The following COL7A1 variants were observed in gnomAD, a reference collection of about 807,000 sequenced individuals.
COL7A1 encodes collagen type VII alpha 1 chain, also known as collagen alpha-1(VII) chain.
Under a neutral mutation model 456.2 loss-of-function variants are expected in COL7A1, and 296 were observed. That is an observed-to-expected ratio of 0.65 (90% CI 0.59 to 0.71). The LOEUF is 0.71. COL7A1 is among the 30% of genes least tolerant of loss of function. The probability of loss-of-function intolerance (pLI) is 0.00; values close to 1 mark genes in which losing one functional copy is unlikely to be tolerated. For synonymous variants in COL7A1, 1,464 were observed against 1,525.9 expected, an observed-to-expected ratio of 0.96 and a Z score of 0.95; for missense variants, 3,441 against 4,017.2, an observed-to-expected ratio of 0.86 and a Z score of 3.88.
chr3:48,566,992 G>A lies in COL7A1; in HGVS notation c.8141C>T (p.Pro2714Leu), dbSNP rs1334835316. Reference sequence around the variant, plus strand: ...ACCAGCAGAGCCATCATTTCCACTGGGGCCTGGGAAGCCCCCAATTCCTGG... The same window carrying A: ...ACCAGCAGAGCCATCATTTCCACTGAGGCCTGGGAAGCCCCCAATTCCTGG... ...GTPGIGGFPG[P>L]SGNDGSAGPP... is the part of the protein sequence containing the mutation. The change falls in exon 111 of 119, where the codon CCC (proline) becomes CTC (leucine). Residue 2714 changes from proline (P) to leucine (L), a missense_variant. Coordinates refer to ENST00000681320, the MANE Select transcript of COL7A1 (RefSeq NM_000094.4). This position sits in a 1 kb window ranked among gnomAD's most constrained non-coding sequence, Gnocchi z 5.9. 14 of 1,612,222 alleles carry A rather than the reference G, an allele frequency of 8.7e-6. No individual in the cohort carries two copies. The highest frequency in any genetic ancestry group is 4.0e-5 in the African/African-American group (3 of 74,778).
At chr3:48,576,133 G>A in intron 71 of COL7A1, 116 bp downstream of exon 71, 2 of 1,508,150 alleles carry the variant, frequency 1.3e-6, no homozygotes, top group South Asian at 2.3e-5. Flanking sequence ...ATGGGGCAGG[G>A]CACTGAACAC....
At position 48,592,087 on chromosome 3, in the gene COL7A1, G is replaced by T; in HGVS notation, c.1240+15C>A. 6.2e-7 allele frequency: 1 copy of T among 1,614,176 alleles called. No homozygotes were observed. The highest frequency in any genetic ancestry group is 8.5e-7 in the Non-Finnish European group (1 of 1,180,016). On this transcript the variant is annotated intron_variant, in intron 10 of 118. Coordinates refer to ENST00000681320, the MANE Select transcript of COL7A1 (RefSeq NM_000094.4). The surrounding 1 kb of genome is among the most constrained non-coding windows in gnomAD (Gnocchi z 7.6). Reference sequence around the variant, plus strand: ...CTGCCCGTCCCAGCCTGAAGAAAGTGCCCAGCCTTCTCACCAGTGCGAGCC... The same window carrying T: ...CTGCCCGTCCCAGCCTGAAGAAAGTTCCCAGCCTTCTCACCAGTGCGAGCC...
chr3:48,580,584 T>G lies in COL7A1; in HGVS notation c.5049A>C (p.Arg1683=). 6.2e-7 allele frequency: 1 copy of G among 1,613,822 alleles called. No homozygotes were observed. Among genetic ancestry groups the G allele is most frequent in the Non-Finnish European group, 8.5e-7 (1 of 1,179,854 alleles). ...GGAGTCATAGGCTGGGACTCACATT[T>G]CGTCCATCCTCTCCAGGATCTCCCT... is the stretch of plus-strand genomic sequence containing the variant. ...GDQGDPGEDG[R]NGSPGSSGPK... The change falls in exon 55 of 119, where the codon CGA becomes CGC. Residue 1683 remains arginine, a synonymous_variant. Coordinates refer to ENST00000681320, the MANE Select transcript of COL7A1 (RefSeq NM_000094.4). This position sits in a 1 kb window ranked among gnomAD's most constrained non-coding sequence, Gnocchi z 4.5.
chr3:48,587,103 G>A lies in COL7A1; in HGVS notation c.3145C>T (p.Pro1049Ser). Residue 1049 changes from proline (P) to serine (S), a missense_variant, in exon 25 of 119, where the codon CCC becomes TCC. By Grantham distance (74) the Pro-to-Ser change is moderately conservative. This residue lies in a region of COL7A1 where 444 missense variants were observed against 427.6 expected (regional missense o/e 1.04). Transcript: ENST00000681320. This position sits in a 1 kb window ranked among gnomAD's most constrained non-coding sequence, Gnocchi z 6.1. The stretch of plus-strand genomic sequence containing the variant: ...AACACCACATCCGCCAGGCCACGGG[G>A]GCACACTGTAGGAAGGGGAACAAGT... ...EASVTQTPVC[P>S]RGLADVVFLP... 1 of 1,613,040 alleles carries A rather than the reference G, an allele frequency of 6.2e-7. No homozygotes were observed. The highest frequency in any genetic ancestry group is 8.5e-7 in the Non-Finnish European group (1 of 1,179,706).
chr3:48,565,615 T>C lies in COL7A1; in HGVS notation c.8440+21A>G, dbSNP rs774420894. ...GCAGGGCCTGGGGTGAAGAAAGTTC[T>C]GGGAGTAGAAAACTACTCACGTGAT... On this transcript the variant is annotated intron_variant, in intron 115 of 118. Coordinates refer to ENST00000681320, the MANE Select transcript of COL7A1 (RefSeq NM_000094.4). This position sits in a 1 kb window ranked among gnomAD's most constrained non-coding sequence, Gnocchi z 4.5. 1.2e-6 allele frequency: 2 copies of C among 1,614,094 alleles called. No individual in the cohort carries two copies. The highest frequency in any genetic ancestry group is 1.7e-5 in the Admixed American group (1 of 60,020).
intron 36 of COL7A1, 43 bp from the exon 37 acceptor site, chr3:48,584,418 C>T (rs766867664): frequency 1.2e-6 from 2 of 1,613,352 alleles, no homozygotes; most frequent in Non-Finnish European, 1.7e-6. Flanking sequence ...CCACAGACCT[C>T]ACTCTCGCCC....
In COL7A1 at chr3:48,592,028, A is replaced by T; in HGVS notation, c.1241-14T>A. The T allele has an allele frequency of 4.3e-6, 7 of 1,614,112 alleles. No individual in the cohort carries two copies. The highest frequency in any genetic ancestry group is 5.9e-6 in the Non-Finnish European group (7 of 1,179,992). On this transcript the variant is annotated splice_polypyrimidine_tract_variant and intron_variant, in intron 10 of 118. Coordinates refer to ENST00000681320, the MANE Select transcript of COL7A1 (RefSeq NM_000094.4). The surrounding 1 kb of genome is among the most constrained non-coding windows in gnomAD (Gnocchi z 7.6). ...CAACAGAAGCGTCTGCCCAGGGCAC[A>T]TGGGATGTCAGTGGCCTCCGGGCCT...
In COL7A1 at chr3:48,577,008, C is replaced by T. The variant is rs564953664; in HGVS notation, c.5552G>A (p.Gly1851Glu). Residue 1851 changes from glycine to glutamate, a missense_variant, in exon 66 of 119, where the codon GGA becomes GAA. Physicochemically the swap from Gly to Glu is moderately conservative, Grantham distance 98. Coordinates refer to ENST00000681320, the MANE Select transcript of COL7A1 (RefSeq NM_000094.4). Reference sequence around the variant, plus strand: ...GGACTTTACCTTCCTCCCGTCTTCTCCAGGGTCCCCAGGTTCTCCCTGTGG... The same window carrying T: ...GGACTTTACCTTCCTCCCGTCTTCTTCAGGGTCCCCAGGTTCTCCCTGTGG... ...NGKNGEPGDP[G>E]EDGRKGEKGD... The T allele has an allele frequency of 1.2e-6, 2 of 1,613,972 alleles. No individual in the cohort carries two copies. Among genetic ancestry groups the T allele is most frequent in the East Asian group, 2.2e-5 (1 of 44,886 alleles).
At chr3:48,577,075 C>G in intron 65 of COL7A1, 48 bp from the exon 66 acceptor site, 1 of 1,609,122 alleles carries the variant, frequency 6.2e-7, no homozygotes, top group Non-Finnish European at 8.5e-7. Flanking sequence ...TGGTGTCTGG[C>G]TGCAAGACAC....
chr3:48,571,140 G>A lies in COL7A1; in HGVS notation c.7125C>T (p.Val2375=), dbSNP rs769300577. Reference sequence around the variant, plus strand: ...GGCCAGGAGGCCCAGGGGAGCCCGGGACCCCGACTCCTGGGTCACCCTTTG... The same window carrying A: ...GGCCAGGAGGCCCAGGGGAGCCCGGAACCCCGACTCCTGGGTCACCCTTTG... The part of the protein sequence containing the change: ...KGFKGDPGVG[V]PGSPGPPGPP... The change falls in exon 94 of 119, where the codon GTC becomes GTT. Residue 2375 remains valine, a synonymous_variant. Transcript: ENST00000681320. The surrounding 1 kb of genome is among the most constrained non-coding windows in gnomAD (Gnocchi z 4.6). 6.2e-6 allele frequency: 10 copies of A among 1,613,902 alleles called. No individual in the cohort carries two copies. Among genetic ancestry groups the A allele is most frequent in the African/African-American group, 1.3e-5 (1 of 74,902 alleles).
In COL7A1 at chr3:48,574,031, C is replaced by G. The variant is rs894665132; in HGVS notation, c.6502-141G>C. 8.4e-7 allele frequency: 1 copy of G among 1,196,290 alleles called. No individual in the cohort carries two copies. Among genetic ancestry groups the G allele is most frequent in the Admixed American group, 2.0e-5 (1 of 49,788 alleles). The allele number at this position is 1,196,290 out of a possible 1,614,324, so 74.1% of individuals were successfully genotyped here. ...GATAATACCTACCCATGGACTGCCT[C>G]TCATAGATAGCACACACGGGCCTGC... On this transcript the variant is annotated intron_variant, in intron 80 of 118. Coordinates refer to ENST00000681320, the MANE Select transcript of COL7A1 (RefSeq NM_000094.4). This position sits in a 1 kb window ranked among gnomAD's most constrained non-coding sequence, Gnocchi z 5.0.
At position 48,566,248 on chromosome 3, in the gene COL7A1, C is replaced by T. The variant is rs368960804; in HGVS notation, c.8407+19G>A. On this transcript the variant is annotated intron_variant, in intron 114 of 118. Coordinates refer to ENST00000681320, the MANE Select transcript of COL7A1 (RefSeq NM_000094.4). This position sits in a 1 kb window ranked among gnomAD's most constrained non-coding sequence, Gnocchi z 5.9. ...GGTGCTGGGGTGGAGTGGGAGACTG[C>T]GGGCTGGGCACCACTCACCACAGTG... 25 of 1,592,202 alleles carry T rather than the reference C, an allele frequency of 1.6e-5. No homozygotes were observed. Among genetic ancestry groups the T allele is most frequent in the East Asian group, 6.8e-5 (3 of 44,098 alleles).
Position 48,574,489 on chromosome 3 carries a change from G to C in COL7A1, c.6455C>G (p.Pro2152Arg). 6.2e-7 allele frequency: 1 copy of C among 1,614,072 alleles called. No homozygotes were observed. Among genetic ancestry groups the C allele is most frequent in the South Asian group, 1.1e-5 (1 of 91,080 alleles). The change falls in exon 79 of 119, where the codon CCG becomes CGG. Residue 2152 changes from proline (P) to arginine (R), a missense_variant and splice_region_variant. Pro to Arg is a moderately radical substitution (Grantham distance 103). Transcript: ENST00000681320. This position sits in a 1 kb window ranked among gnomAD's most constrained non-coding sequence, Gnocchi z 5.0. ...TGTGGCTGTTGGGCAAGGACTTACC[G>C]GGTTGCCGTCCTGACCCCTCGGTCC... ...EPGPRGQDGN[P>R]GLPGERGMAG...
intron 47 of COL7A1, 98 bp from the exon 48 acceptor site, chr3:48,582,041 C>T (rs2044797042): frequency 2.6e-6 from 4 of 1,538,520 alleles, no homozygotes; most frequent in Non-Finnish European, 3.6e-6. Context: ...GGAAGTCATA[C>T]AGCTCAGTCC....
chr3:48,577,241 A>C (rs1230770354), intron 65 of COL7A1, among the ~76,000 whole-genome samples: 1 of 152,258 alleles, frequency 6.6e-6, no homozygotes, highest in African/African-American at 2.4e-5. Flanking sequence ...AGGCAACTGC[A>C]CACATGTCCT....
Position 48,567,060 on chromosome 3 carries a change from C to T in COL7A1, c.8110-37G>A. 6.2e-7 allele frequency: 1 copy of T among 1,611,932 alleles called. No homozygotes were observed. Among genetic ancestry groups the T allele is most frequent in the South Asian group, 1.1e-5 (1 of 91,040 alleles). ...TAGGACAGAGTCAGTAATCAGAGGC[C>T]CCAGAGATGGACCCTCTCCCAAAGT... On this transcript the variant is annotated intron_variant, in intron 110 of 118. Coordinates refer to ENST00000681320, the MANE Select transcript of COL7A1 (RefSeq NM_000094.4). This position sits in a 1 kb window ranked among gnomAD's most constrained non-coding sequence, Gnocchi z 4.3.
At position 48,579,643 on chromosome 3, in the gene COL7A1, T is replaced by A; in HGVS notation, c.5180A>T (p.Glu1727Val). 1 of 1,613,448 alleles carries A rather than the reference T, an allele frequency of 6.2e-7. No individual in the cohort carries two copies. Among genetic ancestry groups the A allele is most frequent in the South Asian group, 1.1e-5 (1 of 91,056 alleles). ...ATCACCCTTGGGCCCTCGAGGACCC[T>A]CTTGTCCGCGGTCCCCAGGCTCTCC... ...EKGEPGDRGQ[E>V]GPRGPKGDPG... The change falls in exon 59 of 119, where the codon GAG becomes GTG. Residue 1727 changes from glutamate to valine, a missense_variant. By Grantham distance (121) the Glu-to-Val change is moderately radical. Coordinates refer to ENST00000681320, the MANE Select transcript of COL7A1 (RefSeq NM_000094.4). This position sits in a 1 kb window ranked among gnomAD's most constrained non-coding sequence, Gnocchi z 4.4.
At chr3:48,576,341 G>A in intron 70 of COL7A1, 45 bp from the exon 71 acceptor site, 1 of 1,613,932 alleles carries the variant, frequency 6.2e-7, no homozygotes, top group Non-Finnish European at 8.5e-7. Flanking sequence ...CTATGGGTGT[G>A]CATGTGCACA....
In COL7A1 at chr3:48,567,250, C is replaced by T. The variant is rs2043649446; in HGVS notation, c.8047-60G>A. The T allele has an allele frequency of 6.3e-7, 1 of 1,595,494 alleles. No individual in the cohort carries two copies. Among genetic ancestry groups the T allele is most frequent in the African/African-American group, 1.3e-5 (1 of 74,542 alleles). On this transcript the variant is annotated intron_variant, in intron 109 of 118. Transcript: ENST00000681320. This position sits in a 1 kb window ranked among gnomAD's most constrained non-coding sequence, Gnocchi z 4.3. ...CTGACCTCCCTCAGCTCTGGAACCT[C>T]CCTGAACTCCCATGAGCTCCCTGGC...
Sources: allele counts gnomAD v4.1 joint callset (sites outside exome capture counted in the v4.1 genomes callset), GRCh38; gene constraint gnomAD v4.1.1; regional missense constraint gnomAD v4.1.1; non-coding constraint Gnocchi (gnomAD v3.1); transcripts MANE v1.5; gene names NCBI Gene and HGNC (gene_info 2026-07-23, HGNC 2026-07-21).